The following PCGF3 variants were observed in gnomAD, a reference collection of about 807,000 sequenced individuals.
The protein encoded by PCGF3 is polycomb group ring finger 3.
In PCGF3, 7 loss-of-function variants were observed where a neutral mutation model predicts 33.1. That is an observed-to-expected ratio of 0.21 (90% CI 0.12 to 0.40). PCGF3 has a LOEUF of 0.40. Among genes scored for constraint, PCGF3 ranks in the 10% least tolerant of loss-of-function variants. The pLI, the probability that PCGF3 is intolerant of heterozygous loss-of-function variation, is 1.00. For missense variants in PCGF3, 211 were observed against 313.3 expected (o/e 0.67, Z 2.46); for synonymous variants, 153 against 121.3 (o/e 1.26, Z -1.72).
At chr4:716,540 C>G in intron 1 of PCGF3, among the ~76,000 whole-genome samples, 1 of 130,548 alleles carries the variant, frequency 7.7e-6, no homozygotes, top group East Asian at 2.4e-4. Flanking sequence ...GTGCTGGGAC[C>G]CTGTGGACAC....
chr4:763,522 T>C (rs1745186658), intron 9 of PCGF3, among the ~76,000 whole-genome samples: 1 of 152,192 alleles, frequency 6.6e-6, no homozygotes, highest in African/African-American at 2.4e-5. Flanking sequence ...CAAGGAAAAC[T>C]GCGTGGCACC....
intron 8 of PCGF3, among the ~76,000 whole-genome samples, chr4:755,867 T>C (rs1744743503): frequency 6.6e-6 from 1 of 150,502 alleles, no homozygotes; most frequent in Non-Finnish European, 1.5e-5. Context: ...TCTGGGAGAG[T>C]ACATACCCCT....
At chr4:758,588 CCGAGTT>C (rs1468318136) in intron 8 of PCGF3, among the ~76,000 whole-genome samples, 1 of 141,026 alleles carries the variant, frequency 7.1e-6, no homozygotes, top group African/African-American at 2.7e-5. Flanking sequence ...GGCCCCTCCC[CCGAGTT>C]CTTCTCCATC....
At chr4:744,475 C>T (rs1049578063) in intron 7 of PCGF3, 125 bp from the exon 8 acceptor site, 3 of 720,422 alleles carry the variant, frequency 4.2e-6, no homozygotes, top group Non-Finnish European at 2.4e-6. Context: ...ACGCTTACTC[C>T]GCTCCGGGGG....
At chr4:761,105 T>G (rs1298498110) in intron 8 of PCGF3, among the ~76,000 whole-genome samples, 174 bp from the exon 9 acceptor site, 1 of 152,256 alleles carries the variant, frequency 6.6e-6, no homozygotes, top group Non-Finnish European at 1.5e-5. Context: ...AAACAGGTTT[T>G]CAGATAAGGT....
intron 5 of PCGF3, 27 bp downstream of exon 5, chr4:735,054 G>A (rs1743769295): frequency 6.2e-7 from 1 of 1,603,760 alleles, no homozygotes; most frequent in African/African-American, 1.3e-5. Context: ...CCAGGCCACA[G>A]TACGTGGGGT....
At chr4:718,218 C>T (rs543956496) in intron 1 of PCGF3, among the ~76,000 whole-genome samples, 1 of 152,174 alleles carries the variant, frequency 6.6e-6, no homozygotes, top group South Asian at 2.1e-4. Flanking sequence ...AGGGTTGGGC[C>T]AGAGGTGCCT....
chr4:750,551 G>C (rs772709021), intron 8 of PCGF3, among the ~76,000 whole-genome samples: 2 of 152,190 alleles, frequency 1.3e-5, no homozygotes, highest in African/African-American at 4.8e-5. Flanking sequence ...CAGTTTCTCT[G>C]TCTGTGGCGT....
intron 9 of PCGF3, chr4:762,780 G>C (rs1473991126): frequency 6.6e-6 from 1 of 152,254 alleles, no homozygotes; most frequent in Non-Finnish European, 1.5e-5. Context: ...CTGGAACTGA[G>C]TACATTTCTA....
intron 1 of PCGF3, among the ~76,000 whole-genome samples, chr4:722,984 C>T (rs545901487): frequency 4.3e-5 from 6 of 138,670 alleles, no homozygotes; most frequent in South Asian, 2.3e-4. Context: ...ACTCAGTCAT[C>T]GCCCGTCCGT....
At chr4:734,584 C>T (rs1577415031) in intron 4 of PCGF3, 2 of 1,167,132 alleles carry the variant, frequency 1.7e-6, no homozygotes, top group Non-Finnish European at 2.1e-6. Flanking sequence ...ATACTGTCAT[C>T]TTTTAGGACA....
chr4:718,308 G>A (rs112153809), intron 1 of PCGF3, among the ~76,000 whole-genome samples: 17 of 152,170 alleles, frequency 1.1e-4, no homozygotes, highest in East Asian at 3.9e-4. Flanking sequence ...AAGCGCCCCC[G>A]AGCTCCCTGG....
At chr4:709,859 C>G (rs1008971730) in intron 1 of PCGF3, among the ~76,000 whole-genome samples, 3 of 152,242 alleles carry the variant, frequency 2.0e-5, no homozygotes, top group Non-Finnish European at 4.4e-5. Context: ...GAAGCTCTTA[C>G]TCGCCCAGTG....
chr4:733,743 C>T (rs566371225), exon 4 of PCGF3: 6 of 1,612,954 alleles, frequency 3.7e-6, no homozygotes, highest in Admixed American at 3.3e-5. Flanking sequence ...GCCTGTGCAG[C>T]GGGTACCTCA....
At chr4:732,825 C>T (rs1743657884) in intron 3 of PCGF3, among the ~76,000 whole-genome samples, 1 of 152,244 alleles carries the variant, frequency 6.6e-6, no homozygotes, top group African/African-American at 2.4e-5. Flanking sequence ...CCTGGCCACC[C>T]TGAGTCCCCA....
In PCGF3 at chr4:706,165, G is replaced by A. The variant is rs576569645; in HGVS notation, c.-190+195G>A. Among the ~76,000 whole-genome samples, 11 of 152,304 alleles carry A rather than the reference G, an allele frequency of 7.2e-5. No homozygotes were observed. In the South Asian group the frequency reaches 2.3e-3, roughly 32 times the overall value. On this transcript the variant is annotated intron_variant, in intron 1 of 10. Coordinates refer to ENST00000362003, the Ensembl canonical transcript of PCGF3. ...CCAGTCAGGACTCCGGGAGGTCGAA[G>A]ACCCCAGCCCAGGCAGGACTCCGGG...
At chr4:757,645 G>A (rs1041675264) in intron 8 of PCGF3, 2 of 152,106 alleles carry the variant, frequency 1.3e-5, no homozygotes, top group Admixed American at 1.3e-4. Context: ...TAGCTGGCAC[G>A]TTACCTTACA....
intron 1 of PCGF3, among the ~76,000 whole-genome samples, chr4:726,248 A>T (rs1310121350): frequency 1.3e-5 from 2 of 152,180 alleles, no homozygotes; most frequent in East Asian, 3.9e-4. Context: ...GCTTGTTTGA[A>T]ATTTCTCTTT....
chr4:761,560 C>T (rs572736492), intron 9 of PCGF3, 144 bp downstream of exon 9: 79 of 1,368,196 alleles, frequency 5.8e-5, no homozygotes, highest in East Asian at 1.3e-4. Context: ...CCTGCTTCAC[C>T]GGGGAGCGGG....
Sources: allele counts gnomAD v4.1 joint callset (sites outside exome capture counted in the v4.1 genomes callset), GRCh38; gene constraint gnomAD v4.1.1; transcripts MANE v1.5; gene names NCBI Gene and HGNC (gene_info 2026-07-23, HGNC 2026-07-21).